GPC3: variants seen among roughly 807,000 people sequenced by gnomAD.
The protein encoded by GPC3 is glypican 3.
Under a neutral mutation model 34.4 loss-of-function variants are expected in GPC3, and 3 were observed. That is an observed-to-expected ratio of 0.09 (90% CI 0.04 to 0.23). GPC3 has a LOEUF of 0.23. Ranked by LOEUF, GPC3 falls within the 10% of genes least tolerant of loss-of-function variation. GPC3 has a pLI of 1.00. For synonymous variants in GPC3, 177 were observed against 174.0 expected, an observed-to-expected ratio of 1.02 and a Z score of -0.13; for missense variants, 351 against 445.6, an observed-to-expected ratio of 0.79 and a Z score of 1.91.
chrX:133,619,805 G>C (rs2070210227), intron 6 of GPC3, among the ~76,000 whole-genome samples: 1 of 110,611 alleles, frequency 9.0e-6, no homozygotes, highest in Admixed American at 9.6e-5. Flanking sequence ...GAATTTTATA[G>C]TATGTGTATT....
chrX:133,649,137 T>C (rs1305442639), intron 6 of GPC3, among the ~76,000 whole-genome samples: 1 of 111,335 alleles, frequency 9.0e-6, no homozygotes, highest in Non-Finnish European at 1.9e-5. Context: ...TGATGATATA[T>C]GCATATGTGA....
chrX:133,745,330 A>T (rs1023705509), intron 3 of GPC3, among the ~76,000 whole-genome samples: 1 of 112,016 alleles, frequency 8.9e-6, no homozygotes, highest in African/African-American at 3.3e-5. Flanking sequence ...GGCATGGATA[A>T]GCATGTGCCT....
At chrX:133,854,978 T>G (rs1397393981) in intron 2 of GPC3, among the ~76,000 whole-genome samples, 1 of 112,497 alleles carries the variant, frequency 8.9e-6, no homozygotes, top group Non-Finnish European at 1.9e-5. Flanking sequence ...GAACTATATA[T>G]ATACAGCATA....
At chrX:133,657,783 C>A (rs957615825) in intron 6 of GPC3, among the ~76,000 whole-genome samples, 2 of 110,439 alleles carry the variant, frequency 1.8e-5, no homozygotes, top group Non-Finnish European at 3.8e-5. Context: ...GTAACCATAA[C>A]CTGCAAGGAG....
At chrX:133,950,538 G>A (rs756226098) in intron 2 of GPC3, among the ~76,000 whole-genome samples, 4 of 112,114 alleles carry the variant, frequency 3.6e-5, no homozygotes, top group Non-Finnish European at 1.9e-5. Context: ...AGCAAAAGCC[G>A]TCACATCAAA....
chrX:133,733,656 C>T (rs897583119), intron 3 of GPC3, among the ~76,000 whole-genome samples: 3 of 109,014 alleles, frequency 2.8e-5, no homozygotes, highest in African/African-American at 3.3e-5. Context: ...GACTGACCAA[C>T]AAAAAAAGAG....
intron 6 of GPC3, among the ~76,000 whole-genome samples, chrX:133,630,621 A>G (rs951564361): frequency 2.7e-5 from 3 of 111,430 alleles, no homozygotes; most frequent in African/African-American, 9.8e-5. Context: ...CTTCCTCTCA[A>G]TTGCCAAAAT....
intron 1 of GPC3, among the ~76,000 whole-genome samples, chrX:133,976,384 G>GT (rs1447282455): frequency 8.9e-6 from 1 of 111,769 alleles, no homozygotes; most frequent in Non-Finnish European, 1.9e-5. Flanking sequence ...TGAGACAAAT[G>GT]TAAGGTATGA....
intron 2 of GPC3, among the ~76,000 whole-genome samples, chrX:133,894,223 T>C (rs908420333): frequency 4.5e-5 from 5 of 111,718 alleles, no homozygotes; most frequent in Admixed American, 2.9e-4. Flanking sequence ...ACTTCTAGAA[T>C]TTGCTCAGGG....
chrX:133,984,662 G>A (rs2076557575), intron 1 of GPC3, among the ~76,000 whole-genome samples: 1 of 111,403 alleles, frequency 9.0e-6, no homozygotes, highest in East Asian at 2.8e-4. Flanking sequence ...AAGGGATGCT[G>A]TTTTGAAGGA....
chrX:133,797,761 C>T (rs183081546), intron 2 of GPC3, among the ~76,000 whole-genome samples: 1 of 110,043 alleles, frequency 9.1e-6, no homozygotes, highest in East Asian at 2.9e-4. Context: ...ACCCAGGAGG[C>T]GAAAGTTGCA....
intron 6 of GPC3, among the ~76,000 whole-genome samples, chrX:133,603,752 TG>T (rs2070014382): frequency 9.0e-6 from 1 of 111,081 alleles, no homozygotes; most frequent in Non-Finnish European, 1.9e-5. Context: ...GGAAACACAA[TG>T]AAAGGGAAAA....
intron 7 of GPC3, among the ~76,000 whole-genome samples, chrX:133,584,000 C>CA (rs2069758798): frequency 8.9e-6 from 1 of 111,795 alleles, no homozygotes; most frequent in South Asian, 3.8e-4. Flanking sequence ...CAGGAGGCTA[C>CA]AAACACCCTA....
At chrX:133,844,479 G>A (rs928532040) in intron 2 of GPC3, among the ~76,000 whole-genome samples, 1 of 111,440 alleles carries the variant, frequency 9.0e-6, no homozygotes, top group African/African-American at 3.3e-5. Flanking sequence ...CTTATTCTTC[G>A]TAAGAAAAAG....
At chrX:133,700,602 A>G (rs1389943859) in intron 3 of GPC3, among the ~76,000 whole-genome samples, 1 of 111,665 alleles carries the variant, frequency 9.0e-6, no homozygotes, top group Non-Finnish European at 1.9e-5. Context: ...GTAGCCAGTG[A>G]CAGGCAGCTC....
At chrX:133,579,871 G>A (rs2069718346) in intron 7 of GPC3, among the ~76,000 whole-genome samples, 2 of 112,385 alleles carry the variant, frequency 1.8e-5, no homozygotes, top group Admixed American at 1.9e-4. Flanking sequence ...GGGGAAACAA[G>A]TACGGGTTAA....
Position 133,559,398 on chromosome X carries a change from A to G in GPC3, c.1574-23105T>C, listed in dbSNP as rs749648813. On this transcript the variant is annotated intron_variant, in intron 7 of 7. Coordinates refer to ENST00000370818, the MANE Select transcript of GPC3 (RefSeq NM_004484.4). ...ATTGGGTACCTGTTGTTTGCTAGAC[A>G]CTGTGCCAGGTGCCATAGTGGGTAC... Among the ~76,000 whole-genome samples, 3 of 111,827 alleles carry G rather than the reference A, an allele frequency of 2.7e-5. No individual in the cohort carries two copies. The East Asian group carries it at 8.5e-4, about 32-fold the overall frequency.
At chrX:133,797,929 C>A (rs1393642711) in intron 2 of GPC3, among the ~76,000 whole-genome samples, 2 of 111,180 alleles carry the variant, frequency 1.8e-5, no homozygotes, top group South Asian at 3.8e-4. Context: ...CCCTCCAAAG[C>A]TGTTAAGAAA....
intron 1 of GPC3, among the ~76,000 whole-genome samples, chrX:133,971,054 T>G (rs2076490378): frequency 8.9e-6 from 1 of 112,361 alleles, no homozygotes; most frequent in African/African-American, 3.2e-5. Flanking sequence ...GCTTACAAGG[T>G]AGGTGTCAGT....
Sources: gnomAD v4.1 joint callset for allele counts (sites outside exome capture counted in the v4.1 genomes callset) on GRCh38, gnomAD v4.1.1 for gene constraint, MANE v1.5 for transcripts, NCBI Gene and HGNC (gene_info 2026-07-23, HGNC 2026-07-21) for gene names.